PCDHA7: variants seen among roughly 807,000 people sequenced by gnomAD.
PCDHA7 encodes protocadherin alpha 7, also known as protocadherin alpha-7.
In PCDHA7, 37 loss-of-function variants were observed where a neutral mutation model predicts 57.2. That is an observed-to-expected ratio of 0.65 (90% confidence interval 0.50 to 0.85). PCDHA7 has a LOEUF of 0.85. PCDHA7 is among the 40% of genes least tolerant of loss of function. The pLI is 0.00. For missense variants in PCDHA7, 1,188 were observed against 1,241.8 expected (o/e 0.96, Z 0.65); for synonymous variants, 553 against 558.8 (o/e 0.99, Z 0.15).
chr5:141,012,182 A>T lies in PCDHA7; in HGVS notation c.*2245A>T, dbSNP rs1334407628. On this transcript the variant is annotated 3_prime_UTR_variant, in exon 4 of 4. Coordinates refer to ENST00000525929, the MANE Select transcript of PCDHA7 (RefSeq NM_018910.3). ...CTAATTTATTAATGATGATAATTATAATGTATCTGTACAGCACTTTTTACA... is the reference window on the plus strand; with the variant it reads ...CTAATTTATTAATGATGATAATTATTATGTATCTGTACAGCACTTTTTACA... 6.5e-6 allele frequency: 1 copy of T among 153,776 alleles called. No homozygotes were observed. The highest frequency in any genetic ancestry group is 1.5e-5 in the Non-Finnish European group (1 of 68,050). 9.5% of individuals were successfully genotyped at this position (153,776 alleles called of 1,614,324 possible).
chr5:140,904,716 G>T, intron 1 of PCDHA7, among the ~76,000 whole-genome samples: 1 of 151,886 alleles, frequency 6.6e-6, no homozygotes. Context: ...ACCACATTCT[G>T]GCCAACATCT....
intron 3 of PCDHA7, among the ~76,000 whole-genome samples, chr5:140,983,479 G>A (rs1297150913): frequency 1.3e-5 from 2 of 152,194 alleles, no homozygotes; most frequent in Non-Finnish European, 2.9e-5. Context: ...GATAATAGTA[G>A]TTACTAATTA....
chr5:140,852,582 ATT>A (rs527656692), intron 1 of PCDHA7: 197 of 691,142 alleles, frequency 2.9e-4, no homozygotes, highest in Middle Eastern at 7.5e-4. Context: ...AGGCTTTTTT[ATT>A]TTTTTTTTTT....
At chr5:140,975,486 A>G (rs1260336572) in intron 1 of PCDHA7, among the ~76,000 whole-genome samples, 4 of 152,228 alleles carry the variant, frequency 2.6e-5, no homozygotes, top group African/African-American at 4.8e-5. Flanking sequence ...GTTTATATCA[A>G]TGTTCATAAA....
At position 140,985,395 on chromosome 5, in the gene PCDHA7, C is replaced by G. The variant is rs377641758; in HGVS notation, c.2503+2832C>G. 2.6e-5 allele frequency among the ~76,000 whole-genome samples: 4 copies of G among 152,302 alleles called. No individual in the cohort carries two copies. The East Asian group carries it at 7.7e-4, about 29-fold the overall frequency. On this transcript the variant is annotated intron_variant, in intron 3 of 3. Coordinates refer to ENST00000525929, the MANE Select transcript of PCDHA7 (RefSeq NM_018910.3). ...GGTCTATATAATCCAGTCACCCCAACTGTTCCCCTGGAAATGGAGTGAGGA... is the reference window on the plus strand; with the variant it reads ...GGTCTATATAATCCAGTCACCCCAAGTGTTCCCCTGGAAATGGAGTGAGGA...
intron 1 of PCDHA7, among the ~76,000 whole-genome samples, chr5:140,944,593 T>C (rs187929896): frequency 2.6e-5 from 4 of 152,318 alleles, no homozygotes; most frequent in African/African-American, 9.6e-5. Context: ...AGAATTTCCC[T>C]GGGTAGAGTA....
chr5:140,858,188 C>T, intron 1 of PCDHA7: 1 of 1,597,268 alleles, frequency 6.3e-7, no homozygotes, highest in Non-Finnish European at 8.6e-7. Context: ...GCTCACGCTG[C>T]TGCTGTACAC....
intron 1 of PCDHA7, among the ~76,000 whole-genome samples, chr5:140,888,046 A>G (rs2061675850): frequency 6.6e-6 from 1 of 152,214 alleles, no homozygotes; most frequent in South Asian, 2.1e-4. Flanking sequence ...CATGTATAAT[A>G]GATGTTTTAA....
intron 3 of PCDHA7, among the ~76,000 whole-genome samples, chr5:140,989,348 G>A (rs1455202093): frequency 6.6e-6 from 1 of 152,196 alleles, no homozygotes; most frequent in African/African-American, 2.4e-5. Context: ...GCTCAAAGGT[G>A]ATAGGTCACC....
chr5:140,886,251 T>A (rs189086759), intron 1 of PCDHA7, among the ~76,000 whole-genome samples: 397 of 152,156 alleles, frequency 2.6e-3, no homozygotes, highest in Non-Finnish European at 4.1e-3. Flanking sequence ...AATAAAAGTA[T>A]CTCTATTTAT....
chr5:140,841,449 C>T (rs2150315739), intron 1 of PCDHA7: 8 of 1,612,922 alleles, frequency 5.0e-6, no homozygotes, highest in South Asian at 1.1e-5. Context: ...AAACACGGCA[C>T]CTTCGTGGGC....
intron 1 of PCDHA7, chr5:140,865,781 A>G (rs1213634186): frequency 3.3e-5 from 5 of 152,208 alleles, no homozygotes; most frequent in Admixed American, 1.3e-4. Flanking sequence ...TCAAATGTGT[A>G]TCTTTCAGGC....
chr5:141,004,461 A>C (rs1160733381), intron 3 of PCDHA7, among the ~76,000 whole-genome samples: 1 of 152,216 alleles, frequency 6.6e-6, no homozygotes, highest in Non-Finnish European at 1.5e-5. Context: ...CAGGAAGCTC[A>C]GTGACATGTT....
At chr5:140,932,039 CAT>C (rs2087970987) in intron 1 of PCDHA7, among the ~76,000 whole-genome samples, 1 of 151,816 alleles carries the variant, frequency 6.6e-6, no homozygotes, top group South Asian at 2.1e-4. Context: ...TATATATTAA[CAT>C]AGCCTGTAAT....
chr5:140,902,102 G>T (rs1407664200), intron 1 of PCDHA7, among the ~76,000 whole-genome samples: 1 of 151,098 alleles, frequency 6.6e-6, no homozygotes, highest in Non-Finnish European at 1.5e-5. Flanking sequence ...GGAGTCTTTA[G>T]ATTTTTTTAA....
At position 140,883,904 on chromosome 5, in the gene PCDHA7, G is replaced by A. The variant is rs146827381; in HGVS notation, c.2355+47166G>A. 7,677 of 1,613,344 alleles carry A rather than the reference G, an allele frequency of 4.8e-3. 19 individuals are homozygous for A. The highest frequency in any genetic ancestry group is 5.8e-3 in the Non-Finnish European group (6,886 of 1,179,828). On this transcript the variant is annotated intron_variant, in intron 1 of 3. Transcript: ENST00000525929. ...GCGCGACTCTGGCGTGCCGCCTCTG[G>A]GCAGCAACGTGACGCTGCAGGTGTT... is the stretch of plus-strand genomic sequence containing the variant.
intron 1 of PCDHA7, among the ~76,000 whole-genome samples, chr5:140,911,856 T>C (rs1252396387): frequency 6.6e-6 from 1 of 152,184 alleles, no homozygotes; most frequent in Non-Finnish European, 1.5e-5. Context: ...TCCTTAATAG[T>C]CTGTTCTTCT....
At chr5:140,943,275 AAAG>A (rs1197372058) in intron 1 of PCDHA7, among the ~76,000 whole-genome samples, 86 of 137,844 alleles carry the variant, frequency 6.2e-4, no homozygotes, top group African/African-American at 2.2e-3. Flanking sequence ...AAAAAAAAAA[AAAG>A]AAAGAAAGAA....
At chr5:140,897,504 C>T (rs1253239827) in intron 1 of PCDHA7, among the ~76,000 whole-genome samples, 1 of 152,092 alleles carries the variant, frequency 6.6e-6, no homozygotes, top group Non-Finnish European at 1.5e-5. Context: ...CATGTCCCTA[C>T]AAAGGACATG....
Sources: allele counts gnomAD v4.1 joint callset (sites outside exome capture counted in the v4.1 genomes callset), GRCh38; gene constraint gnomAD v4.1.1; transcripts MANE v1.5; gene names NCBI Gene and HGNC (gene_info 2026-07-23, HGNC 2026-07-21).